The following NCAM1 variants were observed in gnomAD, a reference collection of about 807,000 sequenced individuals.
The protein encoded by NCAM1 is neural cell adhesion molecule 1.
In NCAM1, 14 loss-of-function variants were observed where a neutral mutation model predicts 109.8. That is an observed-to-expected ratio of 0.13 (90% CI 0.08 to 0.20). The LOEUF (loss-of-function observed/expected upper bound fraction) is 0.20, where lower values mean the gene tolerates loss of function less well. Ranked by LOEUF, NCAM1 falls within the 10% of genes least tolerant of loss-of-function variation. The pLI is 1.00. For missense variants in NCAM1, 774 were observed against 1,109.9 expected (o/e 0.70, Z 4.30); for synonymous variants, 418 against 442.9 (o/e 0.94, Z 0.70).
At chr11:113,111,305 T>A (rs72995959) in intron 1 of NCAM1, among the ~76,000 whole-genome samples, 1 of 152,128 alleles carries the variant, frequency 6.6e-6, no homozygotes, top group Non-Finnish European at 1.5e-5. Flanking sequence ...ATTGCAAAAG[T>A]AATTATGTTT....
At chr11:113,114,448 G>A (rs941564580) in intron 1 of NCAM1, among the ~76,000 whole-genome samples, 1 of 152,238 alleles carries the variant, frequency 6.6e-6, no homozygotes, top group Admixed American at 6.5e-5. Context: ...CATTTAAGCA[G>A]CAGGAAAAGA....
chr11:113,245,315 G>A (rs1028006237), intron 14 of NCAM1, among the ~76,000 whole-genome samples: 6 of 152,110 alleles, frequency 3.9e-5, no homozygotes, highest in Non-Finnish European at 7.4e-5. Context: ...AGTAGCAGAC[G>A]CCTGCAGTCC....
chr11:113,163,052 C>T (rs1198874300), intron 1 of NCAM1, among the ~76,000 whole-genome samples: 1 of 152,190 alleles, frequency 6.6e-6, no homozygotes, highest in Non-Finnish European at 1.5e-5. Context: ...GCTCTCCGTG[C>T]AGCCAGGGTG....
At chr11:113,094,588 C>T (rs1460218708) in intron 1 of NCAM1, among the ~76,000 whole-genome samples, 2 of 152,168 alleles carry the variant, frequency 1.3e-5, no homozygotes, top group East Asian at 1.9e-4. Flanking sequence ...TATTGAGGCC[C>T]ATGTCTGGGT....
chr11:113,259,904 A>G (rs942560250), intron 16 of NCAM1, among the ~76,000 whole-genome samples: 1 of 151,734 alleles, frequency 6.6e-6, no homozygotes, highest in African/African-American at 2.4e-5. Context: ...GGTTTTCACT[A>G]TGGTGGCCAG....
chr11:113,140,451 C>T (rs1941772984), intron 1 of NCAM1, among the ~76,000 whole-genome samples: 1 of 152,160 alleles, frequency 6.6e-6, no homozygotes, highest in Non-Finnish European at 1.5e-5. Flanking sequence ...AGACACTAGA[C>T]ATCCCCCAAG....
At chr11:113,158,641 T>G (rs181711764) in intron 1 of NCAM1, among the ~76,000 whole-genome samples, 153 of 152,326 alleles carry the variant, frequency 1.0e-3, no homozygotes, top group Non-Finnish European at 1.8e-3. Flanking sequence ...AACTATCTCC[T>G]TAAGTTGTGG....
intron 1 of NCAM1, among the ~76,000 whole-genome samples, chr11:113,010,098 A>G (rs567326196): frequency 1.3e-5 from 2 of 152,328 alleles, no homozygotes; most frequent in South Asian, 2.1e-4. Context: ...AACCAATTTC[A>G]TATTTTCTGA....
At chr11:113,116,639 CTCATT>C (rs1357413174) in intron 1 of NCAM1, among the ~76,000 whole-genome samples, 5 of 152,172 alleles carry the variant, frequency 3.3e-5, no homozygotes, top group African/African-American at 9.7e-5. Flanking sequence ...CATTAGTCTG[CTCATT>C]TCAAAGAGCA....
chr11:113,148,375 C>CT (rs1942098522), intron 1 of NCAM1, among the ~76,000 whole-genome samples: 1 of 139,634 alleles, frequency 7.2e-6, no homozygotes, highest in African/African-American at 2.7e-5. Flanking sequence ...TTTTTTTTTC[C>CT]TTTTTTTTCT....
intron 1 of NCAM1, among the ~76,000 whole-genome samples, chr11:112,973,511 G>A (rs904146722): frequency 1.3e-5 from 2 of 152,054 alleles, no homozygotes; most frequent in African/African-American, 4.8e-5. Flanking sequence ...ACTGCACAGG[G>A]TGCCCCATGG....
chr11:113,190,683 G>A (rs150914562), intron 1 of NCAM1, among the ~76,000 whole-genome samples: 2 of 152,264 alleles, frequency 1.3e-5, no homozygotes, highest in East Asian at 3.9e-4. Context: ...TATTCTGTTT[G>A]GCAAGTTATT....
intron 1 of NCAM1, among the ~76,000 whole-genome samples, chr11:113,021,794 C>A (rs1952393308): frequency 6.6e-6 from 1 of 152,174 alleles, no homozygotes; most frequent in South Asian, 2.1e-4. Context: ...TGCTGTAGAC[C>A]ATTTTGCTTT....
At chr11:113,076,187 G>C (rs1050430466) in intron 1 of NCAM1, among the ~76,000 whole-genome samples, 2 of 152,148 alleles carry the variant, frequency 1.3e-5, no homozygotes, top group African/African-American at 2.4e-5. Flanking sequence ...CCCACACACA[G>C]AGGGAATCTT....
At chr11:113,242,829 C>T in intron 14 of NCAM1, 1 of 1,614,030 alleles carries the variant, frequency 6.2e-7, no homozygotes, top group Non-Finnish European at 8.5e-7. Context: ...CCTGCCCTTG[C>T]AACCACAGAA....
At chr11:112,970,708 T>C (rs1950855219) in intron 1 of NCAM1, among the ~76,000 whole-genome samples, 3 of 152,186 alleles carry the variant, frequency 2.0e-5, no homozygotes, top group Admixed American at 6.5e-5. Context: ...TTAGTAGACA[T>C]GTTGCTGAAA....
chr11:113,217,621 G>T (rs976511406), intron 8 of NCAM1, among the ~76,000 whole-genome samples: 1 of 152,122 alleles, frequency 6.6e-6, no homozygotes, highest in Non-Finnish European at 1.5e-5. Flanking sequence ...TCCTTATTCT[G>T]TTGCCTCATA....
intron 1 of NCAM1, among the ~76,000 whole-genome samples, chr11:113,044,761 T>A (rs1953205883): frequency 6.6e-6 from 1 of 151,748 alleles, no homozygotes; most frequent in Admixed American, 6.6e-5. Flanking sequence ...TTACTTTTAT[T>A]TCTGTTTTTT....
chr11:113,209,961 G>A (rs1435230985), intron 7 of NCAM1, among the ~76,000 whole-genome samples: 1 of 152,188 alleles, frequency 6.6e-6, no homozygotes. Context: ...CACAGAGGCA[G>A]GAAAAGCACA....
Sources: allele counts gnomAD v4.1 joint callset (sites outside exome capture counted in the v4.1 genomes callset), GRCh38; gene constraint gnomAD v4.1.1; transcripts MANE v1.5; gene names NCBI Gene and HGNC (gene_info 2026-07-23, HGNC 2026-07-21).